Variants in SPEF2 observed in about 807,000 individuals in gnomAD.
The protein encoded by SPEF2 is sperm flagellar and cilia associated 2.
Under a neutral mutation model 224.6 loss-of-function variants are expected in SPEF2, and 187 were observed. The ratio of observed to expected loss-of-function variants is 0.83; its 90% CI spans 0.74 to 0.94. The LOEUF is 0.94. SPEF2 is among the 40% of genes least tolerant of loss of function. The pLI is 0.00. For synonymous variants in SPEF2, 715 were observed against 707.3 expected, an observed-to-expected ratio of 1.01 and a Z score of -0.17; for missense variants, 2,170 against 2,135.6, an observed-to-expected ratio of 1.02 and a Z score of -0.32.
At chr5:35,661,280 ATATATATATATATATATATT>A (rs1297757428) in intron 8 of SPEF2, among the ~76,000 whole-genome samples, 3 of 68,544 alleles carry the variant, frequency 4.4e-5, no homozygotes, top group South Asian at 5.5e-4. Context: ...ATATATATAT[ATATATATATATATATATATT>A]ATACACACAT....
At chr5:35,716,014 C>G (rs1742505724) in intron 20 of SPEF2, among the ~76,000 whole-genome samples, 1 of 151,926 alleles carries the variant, frequency 6.6e-6, no homozygotes, top group Non-Finnish European at 1.5e-5. Flanking sequence ...CAGGTTCATT[C>G]AAGGGGCATT....
chr5:35,623,640 G>C (rs1743821777), intron 1 of SPEF2, among the ~76,000 whole-genome samples: 1 of 152,176 alleles, frequency 6.6e-6, no homozygotes, highest in African/African-American at 2.4e-5. Context: ...TGCTTCCCCA[G>C]ACCAGTGGGG....
chr5:35,710,055 A>G lies in SPEF2; in HGVS notation c.2839+934A>G, dbSNP rs1246628822. On this transcript the variant is annotated intron_variant, in intron 19 of 36. Coordinates refer to ENST00000356031, the MANE Select transcript of SPEF2 (RefSeq NM_024867.4). ...TATGAAGACTTTAGTAAGATATATT[A>G]TGATATATTAAAGACCATTCTGCTC... 3 of 980,786 alleles carry G rather than the reference A, an allele frequency of 3.1e-6. No individual in the cohort carries two copies. The African/African-American group carries it at 5.3e-5, about 17-fold the overall frequency. The allele number at this position is 980,786 out of a possible 1,614,324, so 60.8% of individuals were successfully genotyped here. A position where few individuals can be genotyped will look rare whatever the true frequency, so the allele number is the denominator to read the frequency against.
intron 10 of SPEF2, among the ~76,000 whole-genome samples, chr5:35,676,324 C>A (rs577708592): frequency 1.1e-3 from 160 of 152,120 alleles, no homozygotes; most frequent in Non-Finnish European, 1.8e-3. Flanking sequence ...TGTTCTCTAC[C>A]TACTTTGGCA....
chr5:35,623,269 G>A (rs1470832879), intron 1 of SPEF2, among the ~76,000 whole-genome samples: 3 of 152,154 alleles, frequency 2.0e-5, no homozygotes, highest in Non-Finnish European at 2.9e-5. Context: ...GCCTGATAGG[G>A]CCATGCTGGT....
chr5:35,689,866 A>G (rs1580290096), intron 10 of SPEF2, among the ~76,000 whole-genome samples: 3 of 152,272 alleles, frequency 2.0e-5, no homozygotes, highest in East Asian at 3.9e-4. Context: ...CAACATTGAT[A>G]CTTACTATTC....
At chr5:35,722,229 G>A (rs538306300) in intron 20 of SPEF2, among the ~76,000 whole-genome samples, 1 of 152,138 alleles carries the variant, frequency 6.6e-6, no homozygotes, top group Non-Finnish European at 1.5e-5. Flanking sequence ...GAAGGCTGTG[G>A]TGGCTTGTGG....
At chr5:35,732,680 A>T (rs2149670769) in intron 21 of SPEF2, among the ~76,000 whole-genome samples, 2 of 152,312 alleles carry the variant, frequency 1.3e-5, no homozygotes, top group South Asian at 4.1e-4. Context: ...TTATGTGCAA[A>T]TGCTGTACTC....
At chr5:35,713,341 T>C (rs1477594858) in intron 20 of SPEF2, among the ~76,000 whole-genome samples, 1 of 152,172 alleles carries the variant, frequency 6.6e-6, no homozygotes, top group Non-Finnish European at 1.5e-5. Context: ...AAGCAGAACA[T>C]TTAATTTTTG....
At chr5:35,740,338 A>G in intron 23 of SPEF2, 71 bp downstream of exon 23, 1 of 1,571,758 alleles carries the variant, frequency 6.4e-7, no homozygotes, top group Non-Finnish European at 8.7e-7. Context: ...ACCCCAACTC[A>G]TTTGCTCCTT....
intron 10 of SPEF2, among the ~76,000 whole-genome samples, chr5:35,687,789 C>G (rs976338123): frequency 4.6e-5 from 7 of 152,126 alleles, no homozygotes; most frequent in African/African-American, 7.2e-5. Context: ...TAATTTTGAA[C>G]CTTTTTATCT....
intron 21 of SPEF2, among the ~76,000 whole-genome samples, chr5:35,734,765 A>G (rs1205705804): frequency 1.5e-5 from 2 of 134,918 alleles, no homozygotes. Flanking sequence ...AGGCTGGAGT[A>G]CACTGCTGCA....
At chr5:35,771,431 G>A (rs1384192803) in intron 26 of SPEF2, among the ~76,000 whole-genome samples, 178 bp from the exon 27 acceptor site, 1 of 152,182 alleles carries the variant, frequency 6.6e-6, no homozygotes, top group Non-Finnish European at 1.5e-5. Flanking sequence ...TCTTGGGACA[G>A]GGCCAGGTTT....
At chr5:35,724,451 A>G (rs1422652459) in intron 20 of SPEF2, among the ~76,000 whole-genome samples, 1 of 152,216 alleles carries the variant, frequency 6.6e-6, no homozygotes, top group African/African-American at 2.4e-5. Context: ...CTTAAAATCA[A>G]TGAGCCAAGT....
At chr5:35,767,594 C>A (rs569678509) in intron 26 of SPEF2, among the ~76,000 whole-genome samples, 1 of 151,736 alleles carries the variant, frequency 6.6e-6, no homozygotes, top group African/African-American at 2.4e-5. Flanking sequence ...TTAAAATATC[C>A]AATCCAAAAG....
At chr5:35,704,901 A>G (rs539502593) in intron 17 of SPEF2, among the ~76,000 whole-genome samples, 1 of 152,038 alleles carries the variant, frequency 6.6e-6, no homozygotes, top group East Asian at 1.9e-4. Context: ...ACTTCCCTTT[A>G]CGGTTACATG....
intron 19 of SPEF2, chr5:35,709,373 C>T (rs1740645972): frequency 7.2e-6 from 9 of 1,254,998 alleles, no homozygotes; most frequent in East Asian, 4.0e-5. Context: ...AGAGTAAGAC[C>T]ACAGACGAGA....
intron 21 of SPEF2, among the ~76,000 whole-genome samples, chr5:35,728,354 C>T (rs2149658250): frequency 6.6e-6 from 1 of 152,326 alleles, no homozygotes; most frequent in East Asian, 1.9e-4. Context: ...CCGCCTAGCT[C>T]AACTCGCAAG....
intron 16 of SPEF2, 99 bp from the exon 17 acceptor site, chr5:35,704,455 A>G: frequency 1.5e-6 from 1 of 678,016 alleles, no homozygotes; most frequent in South Asian, 1.9e-5. Flanking sequence ...GACCAAATAC[A>G]GGACCGTATC....
Sources: gnomAD v4.1 joint callset for allele counts (sites outside exome capture counted in the v4.1 genomes callset) on GRCh38, gnomAD v4.1.1 for gene constraint, MANE v1.5 for transcripts, NCBI Gene and HGNC (gene_info 2026-07-23, HGNC 2026-07-21) for gene names.